PALLD: variants seen among roughly 807,000 people sequenced by gnomAD.
PALLD encodes the protein palladin.
In PALLD, 61 loss-of-function variants were observed where a neutral mutation model predicts 123.5. That is an observed-to-expected ratio of 0.49 (90% CI 0.40 to 0.61). The LOEUF (loss-of-function observed/expected upper bound fraction) is 0.61, where lower values mean the gene tolerates loss of function less well. Among genes scored for constraint, PALLD ranks in the 20% least tolerant of loss-of-function variants. The pLI is 0.00. For synonymous variants in PALLD, 465 were observed against 496.4 expected (o/e 0.94, Z 0.84); for missense variants, 1,273 against 1,377.0 (o/e 0.92, Z 1.20).
intron 10 of PALLD, among the ~76,000 whole-genome samples, chr4:168,817,065 A>AG (rs537599793): frequency 1.3e-3 from 204 of 152,274 alleles, no homozygotes; most frequent in South Asian, 2.1e-3. Context: ...GAAAGGGCAA[A>AG]GGATTTTTGT....
At chr4:168,755,127 G>A (rs538125500) in intron 10 of PALLD, among the ~76,000 whole-genome samples, 3 of 151,930 alleles carry the variant, frequency 2.0e-5, no homozygotes, top group Non-Finnish European at 4.4e-5. Context: ...CAGCTACTTG[G>A]GAGGCTGAGG....
intron 13 of PALLD, among the ~76,000 whole-genome samples, chr4:168,897,630 T>C (rs2151250980): frequency 6.6e-6 from 1 of 152,190 alleles, no homozygotes; most frequent in South Asian, 2.1e-4. Context: ...TTTTAAATTT[T>C]TTGTAGAGAT....
At position 168,511,499 on chromosome 4, in the gene PALLD, T is replaced by C. The variant is rs1318354063; in HGVS notation, c.-6T>C. 6 of 1,611,688 alleles carry C rather than the reference T, an allele frequency of 3.7e-6. No individual in the cohort carries two copies. The East Asian group carries it at 1.3e-4, about 36-fold the overall frequency. ...CAGACACAGAGTGCATGAAGACCGT[T>C]CAAATATGTCAGGGACCTCCTCCCA... On this transcript the variant is annotated 5_prime_UTR_variant, in exon 2 of 22. Transcript: ENST00000505667.
At chr4:168,898,231 C>T (rs1040102146) in intron 13 of PALLD, 13 of 502,224 alleles carry the variant, frequency 2.6e-5, no homozygotes, top group Non-Finnish European at 4.0e-5. Context: ...CCCCTCGCCT[C>T]AGAGAAAAGA....
At position 168,835,517 on chromosome 4, in the gene PALLD, A is replaced by G. The variant is rs114490607; in HGVS notation, c.1965-55405A>G. Among the ~76,000 whole-genome samples, 479 of 152,244 alleles carry G rather than the reference A, an allele frequency of 3.1e-3. 3 individuals carry two copies. Among genetic ancestry groups the G allele is most frequent in the African/African-American group, 0.011 (447 of 41,536 alleles). The stretch of plus-strand genomic sequence containing the variant: ...TTGTTCCAGGGCCATACAGAGAGGA[A>G]ATTGAGACACTCATTTCTTCTTAGT... On this transcript the variant is annotated intron_variant, in intron 10 of 21. Transcript: ENST00000505667.
chr4:168,851,143 A>G (rs138924433), intron 10 of PALLD, among the ~76,000 whole-genome samples: 545 of 152,144 alleles, frequency 3.6e-3, no homozygotes, highest in Non-Finnish European at 6.0e-3. Flanking sequence ...TAACCTGCCA[A>G]TTGCACCAAC....
chr4:168,582,949 G>A (rs560402710), intron 2 of PALLD, among the ~76,000 whole-genome samples: 25 of 152,212 alleles, frequency 1.6e-4, no homozygotes, highest in African/African-American at 5.5e-4. Flanking sequence ...GTACTTTACT[G>A]TTCATTGAAA....
chr4:168,620,811 T>G lies in PALLD; in HGVS notation c.909-47379T>G, dbSNP rs939589761. ...AAACCATGGGTCTATACCTCAAAAT[T>G]AAGCCACACAGTATATGCAAAAAGT... On this transcript the variant is annotated intron_variant, in intron 2 of 21. Transcript: ENST00000505667. Among the ~76,000 whole-genome samples the G allele has an allele frequency of 3.3e-5, 5 of 152,288 alleles. No individual in the cohort carries two copies. In the South Asian group the frequency reaches 6.2e-4, roughly 19 times the overall value.
intron 3 of PALLD, among the ~76,000 whole-genome samples, chr4:168,676,499 A>G (rs1364800684): frequency 6.7e-6 from 1 of 150,002 alleles, no homozygotes; most frequent in Admixed American, 6.7e-5. Flanking sequence ...GATTTAAAAC[A>G]TATCTATATA....
chr4:168,784,424 A>C (rs377447926), intron 10 of PALLD, among the ~76,000 whole-genome samples: 1 of 152,338 alleles, frequency 6.6e-6, no homozygotes, highest in African/African-American at 2.4e-5. Context: ...TGAGGAAGCC[A>C]CGTGGGAGAA....
At chr4:168,572,717 T>C (rs1271113797) in intron 2 of PALLD, among the ~76,000 whole-genome samples, 3 of 151,792 alleles carry the variant, frequency 2.0e-5, no homozygotes, top group South Asian at 2.1e-4. Flanking sequence ...GCAGGTCCCA[T>C]TGGCAAAACC....
rs538233476 is a variant in PALLD at position 168,683,872 on chromosome 4, G to A, written c.1260+769G>A. ...TATTACCTATTGAATGCTCAGGGGT[G>A]TTTCAGCCACTATAGAGGCCAATAG... On this transcript the variant is annotated intron_variant, in intron 5 of 21. Coordinates refer to ENST00000505667, the MANE Select transcript of PALLD (RefSeq NM_001166108.2). Among the ~76,000 whole-genome samples, 893 of 152,222 alleles carry A rather than the reference G, an allele frequency of 5.9e-3. 4 individuals carry two copies. Among genetic ancestry groups the A allele is most frequent in the South Asian group, 0.015 (73 of 4,824 alleles).
At chr4:168,582,534 T>A (rs1347636091) in intron 2 of PALLD, among the ~76,000 whole-genome samples, 1 of 152,168 alleles carries the variant, frequency 6.6e-6, no homozygotes, top group African/African-American at 2.4e-5. Context: ...AAAGCTTTCA[T>A]TTCTTCGCTG....
intron 2 of PALLD, among the ~76,000 whole-genome samples, chr4:168,626,176 G>A (rs1411564292): frequency 5.3e-5 from 8 of 152,054 alleles, no homozygotes; most frequent in Non-Finnish European, 8.8e-5. Flanking sequence ...CGAAGCAGGC[G>A]GATCACGAGG....
intron 2 of PALLD, among the ~76,000 whole-genome samples, chr4:168,594,973 T>A (rs1771832616): frequency 6.6e-6 from 1 of 152,164 alleles, no homozygotes; most frequent in Non-Finnish European, 1.5e-5. Flanking sequence ...TACAGAGTAA[T>A]CTATTTCATG....
chr4:168,554,431 G>T (rs1313246388), intron 2 of PALLD, among the ~76,000 whole-genome samples: 1 of 152,178 alleles, frequency 6.6e-6, no homozygotes, highest in Non-Finnish European at 1.5e-5. Flanking sequence ...TTAACGGGGA[G>T]AAATTTGTAG....
intron 10 of PALLD, among the ~76,000 whole-genome samples, chr4:168,767,491 A>G (rs1489847588): frequency 2.6e-5 from 4 of 152,228 alleles, no homozygotes; most frequent in African/African-American, 7.2e-5. Flanking sequence ...TAACAATGTC[A>G]GCATTCATGG....
chr4:168,853,708 A>G (rs1748150326), intron 10 of PALLD, among the ~76,000 whole-genome samples: 1 of 152,214 alleles, frequency 6.6e-6, no homozygotes, highest in South Asian at 2.1e-4. Flanking sequence ...GGGGGCGACC[A>G]GGCCTGGTGG....
intron 10 of PALLD, among the ~76,000 whole-genome samples, chr4:168,798,330 A>C (rs1738815935): frequency 6.6e-6 from 1 of 152,206 alleles, no homozygotes; most frequent in African/African-American, 2.4e-5. Context: ...AAAGTTGAAA[A>C]ATAAAGGGTT....
Sources: gnomAD v4.1 joint callset for allele counts (sites outside exome capture counted in the v4.1 genomes callset) on GRCh38, gnomAD v4.1.1 for gene constraint, MANE v1.5 for transcripts, NCBI Gene and HGNC (gene_info 2026-07-23, HGNC 2026-07-21) for gene names.